Variants in MAGI3 observed in about 807,000 individuals in gnomAD.
MAGI3 encodes membrane-associated guanylate kinase, WW and PDZ domain-containing protein 3.
Under a neutral mutation model 121.8 loss-of-function variants are expected in MAGI3, and 43 were observed. The ratio of observed to expected loss-of-function variants is 0.35; its 90% CI spans 0.28 to 0.46. The LOEUF (loss-of-function observed/expected upper bound fraction) is 0.46. Among genes scored for constraint, MAGI3 ranks in the 20% least tolerant of loss-of-function variants. MAGI3 has a pLI of 1.00. For synonymous variants in MAGI3, 553 were observed against 639.3 expected, an observed-to-expected ratio of 0.86 and a Z score of 2.04; for missense variants, 1,547 against 1,797.3, an observed-to-expected ratio of 0.86 and a Z score of 2.52.
At position 113,681,207 on chromosome 1, in the gene MAGI3, C is replaced by CTAGACCT; in HGVS notation, c.3199_3200insTAGACCT (p.Gln1067LeufsTer6). 1 of 1,613,328 alleles carries CTAGACCT rather than the reference C, an allele frequency of 6.2e-7. No homozygotes were observed. Among genetic ancestry groups the CTAGACCT allele is most frequent in the Admixed American group, 1.7e-5 (1 of 59,814 alleles). ...AATGTTCTCTGTCTAGGTTGGTGAC[C>CTAGACCT]AGATTGTTGAAATCAATGGGGAACC... On this transcript the variant is annotated frameshift_variant, in exon 20 of 21. Transcript: ENST00000307546. LOFTEE classifies it high-confidence loss of function.
At chr1:113,594,711 G>A in intron 6 of MAGI3, 151 bp downstream of exon 6, 1 of 494,054 alleles carries the variant, frequency 2.0e-6, no homozygotes, top group Non-Finnish European at 3.6e-6. Context: ...AACTGATTGT[G>A]GTAATTATGT....
At chr1:113,609,165 C>T (rs554239250) in intron 6 of MAGI3, among the ~76,000 whole-genome samples, 4 of 152,152 alleles carry the variant, frequency 2.6e-5, no homozygotes, top group African/African-American at 9.7e-5. Flanking sequence ...TGTCTCCCCA[C>T]GTAATAGCCC....
intron 1 of MAGI3, among the ~76,000 whole-genome samples, chr1:113,449,284 T>C (rs891854347): frequency 1.3e-5 from 2 of 152,050 alleles, no homozygotes; most frequent in Non-Finnish European, 2.9e-5. Context: ...AGATAATGCA[T>C]GAGTGGTGAA....
chr1:113,478,924 C>T (rs1040278508), intron 1 of MAGI3, among the ~76,000 whole-genome samples: 4 of 152,176 alleles, frequency 2.6e-5, no homozygotes, highest in African/African-American at 4.8e-5. Context: ...TTCCCCAAGC[C>T]GCTTTGTTTA....
Position 113,683,007 on chromosome 1 carries a change from G to A in MAGI3, c.3439G>A (p.Val1147Ile). The A allele has an allele frequency of 1.2e-6, 2 of 1,613,940 alleles. No individual in the cohort carries two copies. The highest frequency in any genetic ancestry group is 2.2e-5 in the East Asian group (1 of 44,880). ...ASIFEESHVP[V>I]IEESLRVQIC... is the part of the protein sequence containing the mutation. ...CATATTTGAAGAGTCTCACGTGCCA[G>A]TAATTGAAGAATCTTTGAGAGTTCA... is the stretch of plus-strand genomic sequence containing the variant. The change falls in exon 21 of 21, where the codon GTA becomes ATA. Residue 1147 changes from valine (V) to isoleucine (I), a missense_variant. By Grantham distance (29) the Val-to-Ile change is conservative. Transcript: ENST00000307546.
chr1:113,449,673 G>A, intron 1 of MAGI3: 1 of 774,790 alleles, frequency 1.3e-6, no homozygotes, highest in East Asian at 2.4e-5. Context: ...TTGAACTCGA[G>A]TTGGAAGAGG....
chr1:113,671,598 A>G (rs1367340294), intron 16 of MAGI3, 136 bp from the exon 17 acceptor site: 2 of 697,790 alleles, frequency 2.9e-6, no homozygotes, highest in African/African-American at 3.6e-5. Context: ...ACAGCTGACA[A>G]TAGTGCTGTT....
intron 9 of MAGI3, among the ~76,000 whole-genome samples, chr1:113,635,539 C>A (rs370735213): frequency 3.9e-5 from 6 of 152,036 alleles, no homozygotes. Flanking sequence ...TACTGATTTG[C>A]GTATATTGAA....
At chr1:113,539,502 G>A (rs1489730528) in intron 1 of MAGI3, among the ~76,000 whole-genome samples, 1 of 151,550 alleles carries the variant, frequency 6.6e-6, no homozygotes, top group African/African-American at 2.4e-5. Context: ...ATTTAAGAAT[G>A]AGTTTGTTTT....
At chr1:113,570,050 C>T (rs556648716) in intron 2 of MAGI3, among the ~76,000 whole-genome samples, 1 of 152,166 alleles carries the variant, frequency 6.6e-6, no homozygotes, top group East Asian at 1.9e-4. Flanking sequence ...TTGCCCCCCA[C>T]ACCCCGACAG....
At chr1:113,646,976 A>C (rs907995602) in intron 12 of MAGI3, among the ~76,000 whole-genome samples, 2 of 152,248 alleles carry the variant, frequency 1.3e-5, no homozygotes, top group African/African-American at 4.8e-5. Flanking sequence ...ATAAGTACAC[A>C]TAATAAGCCT....
intron 1 of MAGI3, among the ~76,000 whole-genome samples, chr1:113,473,408 TC>T (rs1180059969): frequency 7.2e-6 from 1 of 138,486 alleles, no homozygotes; most frequent in East Asian, 2.3e-4. Context: ...ATGCTATCCC[TC>T]CCCCAGCCCC....
chr1:113,619,727 A>G lies in MAGI3; in HGVS notation c.1077-9A>G. 3 of 1,586,004 alleles carry G rather than the reference A, an allele frequency of 1.9e-6. No homozygotes were observed. Among genetic ancestry groups the G allele is most frequent in the Non-Finnish European group, 2.6e-6 (3 of 1,156,142 alleles). Reference sequence around the variant, plus strand: ...TAAACTGAAATGTATATTTTTCTGCATTCTACAGTCACCTTAACCAGAAAA... The same window carrying G: ...TAAACTGAAATGTATATTTTTCTGCGTTCTACAGTCACCTTAACCAGAAAA... On this transcript the variant is annotated splice_polypyrimidine_tract_variant and intron_variant, in intron 7 of 20. Transcript: ENST00000307546.
intron 1 of MAGI3, among the ~76,000 whole-genome samples, chr1:113,533,519 T>TA (rs1658823882): frequency 6.6e-6 from 1 of 152,168 alleles, no homozygotes; most frequent in Non-Finnish European, 1.5e-5. Context: ...ATCATTTGTA[T>TA]ACCATACTCC....
intron 1 of MAGI3, among the ~76,000 whole-genome samples, chr1:113,416,745 G>T (rs904500187): frequency 5.3e-5 from 8 of 151,336 alleles, no homozygotes; most frequent in South Asian, 2.1e-4. Flanking sequence ...AAATAGGTTT[G>T]GTTGCAATGA....
At chr1:113,405,142 AGT>A in intron 1 of MAGI3, among the ~76,000 whole-genome samples, 1 of 152,046 alleles carries the variant, frequency 6.6e-6, no homozygotes, top group Non-Finnish European at 1.5e-5. Flanking sequence ...GTAACTTGTA[AGT>A]ATTTAGTCCA....
At chr1:113,419,771 C>T (rs1652640430) in intron 1 of MAGI3, among the ~76,000 whole-genome samples, 3 of 152,138 alleles carry the variant, frequency 2.0e-5, no homozygotes, top group Admixed American at 2.0e-4. Context: ...TATTATCTTA[C>T]AGTTCTGGAG....
chr1:113,630,115 T>C (rs1279652182), intron 9 of MAGI3, among the ~76,000 whole-genome samples: 3 of 151,992 alleles, frequency 2.0e-5, no homozygotes, highest in Non-Finnish European at 4.4e-5. Flanking sequence ...ACCTTAGAAA[T>C]TTACCTGGTA....
chr1:113,564,612 G>A (rs1051524600), intron 2 of MAGI3, among the ~76,000 whole-genome samples: 1 of 152,094 alleles, frequency 6.6e-6, no homozygotes, highest in Non-Finnish European at 1.5e-5. Flanking sequence ...GCTCACACCT[G>A]TAGTCCCAGC....
Sources: allele counts gnomAD v4.1 joint callset (sites outside exome capture counted in the v4.1 genomes callset), GRCh38; gene constraint gnomAD v4.1.1; transcripts MANE v1.5; gene names NCBI Gene and HGNC (gene_info 2026-07-23, HGNC 2026-07-21).